The following HMBOX1 variants were observed in gnomAD, a reference collection of about 807,000 sequenced individuals.
HMBOX1 encodes homeobox containing 1, also known as homeobox-containing protein 1.
A neutral mutation model predicts 54.5 loss-of-function variants in HMBOX1; 14 were observed. The ratio of observed to expected loss-of-function variants is 0.26; its 90% confidence interval spans 0.17 to 0.40. The LOEUF is 0.40. HMBOX1 is among the 10% of genes least tolerant of loss of function. The pLI, the probability that HMBOX1 is intolerant of heterozygous loss-of-function variation, is 1.00. For synonymous variants in HMBOX1, 160 were observed against 181.0 expected (o/e 0.88, Z 0.93); for missense variants, 332 against 514.4 (o/e 0.65, Z 3.43).
At chr8:28,964,002 C>G (rs1826038750) in intron 2 of HMBOX1, 112 bp downstream of exon 2, 1 of 769,074 alleles carries the variant, frequency 1.3e-6, no homozygotes, top group East Asian at 2.7e-5. Flanking sequence ...AGTTGAAAAG[C>G]TTTTTTAGAA....
intron 6 of HMBOX1, among the ~76,000 whole-genome samples, chr8:29,032,490 TTG>T (rs1431591901): frequency 6.6e-6 from 1 of 152,212 alleles, no homozygotes; most frequent in Non-Finnish European, 1.5e-5. Context: ...TCCTGCTGAT[TTG>T]TGTTACACAG....
At chr8:29,007,613 T>A (rs1167388491) in intron 4 of HMBOX1, among the ~76,000 whole-genome samples, 3 of 151,666 alleles carry the variant, frequency 2.0e-5, no homozygotes, top group African/African-American at 7.3e-5. Context: ...AGCCCAGGAG[T>A]TCGAGAGCAG....
chr8:28,930,463 A>T (rs564060243), intron 1 of HMBOX1, among the ~76,000 whole-genome samples: 7 of 151,904 alleles, frequency 4.6e-5, no homozygotes, highest in Non-Finnish European at 1.0e-4. Flanking sequence ...AGATATTTAT[A>T]ACCTGGTATT....
chr8:29,040,020 A>G (rs189605665), intron 6 of HMBOX1, among the ~76,000 whole-genome samples: 6 of 152,158 alleles, frequency 3.9e-5, no homozygotes, highest in Admixed American at 1.3e-4. Flanking sequence ...TTTCGTCTTT[A>G]CTGTTAATGT....
At chr8:28,925,107 A>C (rs1258211006) in intron 1 of HMBOX1, among the ~76,000 whole-genome samples, 1 of 152,108 alleles carries the variant, frequency 6.6e-6, no homozygotes, top group Non-Finnish European at 1.5e-5. Flanking sequence ...GAATGATGTT[A>C]AATTTTTAAT....
At chr8:28,900,400 G>T (rs970219677) in intron 1 of HMBOX1, among the ~76,000 whole-genome samples, 35 of 151,128 alleles carry the variant, frequency 2.3e-4, no homozygotes, top group Admixed American at 1.8e-3. Flanking sequence ...TCCTCAGAAT[G>T]CTTGGAAAAT....
At chr8:28,978,126 GAGCT>G (rs1828740941) in intron 3 of HMBOX1, among the ~76,000 whole-genome samples, 1 of 152,070 alleles carries the variant, frequency 6.6e-6, no homozygotes, top group Non-Finnish European at 1.5e-5. Context: ...GTATACTGTA[GAGCT>G]ACAGATTGGA....
At chr8:28,920,053 A>G (rs1194084450) in intron 1 of HMBOX1, among the ~76,000 whole-genome samples, 1 of 152,178 alleles carries the variant, frequency 6.6e-6, no homozygotes, top group East Asian at 1.9e-4. Flanking sequence ...TGGCTTATGA[A>G]TAAACAAGAA....
chr8:29,008,804 A>G (rs778953020), intron 4 of HMBOX1, among the ~76,000 whole-genome samples: 3 of 152,228 alleles, frequency 2.0e-5, no homozygotes, highest in Non-Finnish European at 2.9e-5. Flanking sequence ...TCTCAGATTC[A>G]TGGACCTTTT....
At chr8:29,005,903 G>A (rs1222339470) in intron 4 of HMBOX1, among the ~76,000 whole-genome samples, 1 of 151,564 alleles carries the variant, frequency 6.6e-6, no homozygotes, top group African/African-American at 2.4e-5. Context: ...GTTTATCCAT[G>A]TGGTTTCATA....
intron 1 of HMBOX1, among the ~76,000 whole-genome samples, chr8:28,958,428 A>G (rs1439790738): frequency 3.9e-5 from 6 of 152,202 alleles, no homozygotes; most frequent in Admixed American, 3.9e-4. Context: ...GTGTTTACTT[A>G]TAAAGGATTT....
chr8:28,973,830 T>TTTTTTTTTTTTTTTTTTTG (rs1827925798), intron 3 of HMBOX1, among the ~76,000 whole-genome samples: 1 of 66,236 alleles, frequency 1.5e-5, no homozygotes, highest in Non-Finnish European at 3.0e-5. Flanking sequence ...TTTTTTTTTT[T>TTTTTTTTTTTTTTTTTTTG]TTTTGAGACA....
intron 1 of HMBOX1, among the ~76,000 whole-genome samples, chr8:28,932,989 T>C (rs555635829): frequency 2.6e-5 from 4 of 152,300 alleles, no homozygotes; most frequent in Non-Finnish European, 5.9e-5. Flanking sequence ...TAGCAGAGGC[T>C]CAAGATTTAT....
chr8:28,990,090 T>A (rs1283579412), intron 4 of HMBOX1, among the ~76,000 whole-genome samples: 1 of 152,182 alleles, frequency 6.6e-6, no homozygotes, highest in Non-Finnish European at 1.5e-5. Flanking sequence ...TAAAACATTT[T>A]TTTTGTTTAG....
chr8:28,941,777 CTTT>C (rs1157654057), intron 1 of HMBOX1, among the ~76,000 whole-genome samples: 1 of 152,092 alleles, frequency 6.6e-6, no homozygotes, highest in African/African-American at 2.4e-5. Context: ...GTTTTCTGTT[CTTT>C]TACTTCTCTA....
intron 1 of HMBOX1, among the ~76,000 whole-genome samples, chr8:28,907,481 A>T (rs1563363277): frequency 6.6e-6 from 1 of 152,192 alleles, no homozygotes; most frequent in Admixed American, 6.5e-5. Context: ...ATAGATATGT[A>T]TTGATTTTTG....
At chr8:29,009,906 T>C (rs1197283228) in intron 5 of HMBOX1, 3 of 1,108,846 alleles carry the variant, frequency 2.7e-6, no homozygotes, top group Non-Finnish European at 3.3e-6. Flanking sequence ...CCTGCCCTCA[T>C]GTGTAAATTT....
chr8:28,905,742 CTAACT>C (rs1410692044), intron 1 of HMBOX1, among the ~76,000 whole-genome samples: 2 of 152,202 alleles, frequency 1.3e-5, no homozygotes, highest in African/African-American at 4.8e-5. Context: ...TTTAAGCAGA[CTAACT>C]TAACTTCCAT....
intron 4 of HMBOX1, among the ~76,000 whole-genome samples, chr8:29,005,232 C>A (rs1460457049): frequency 6.6e-6 from 1 of 152,090 alleles, no homozygotes; most frequent in African/African-American, 2.4e-5. Flanking sequence ...AGGGGGAAGA[C>A]AGAAATTCTT....
Sources: gnomAD v4.1 joint callset for allele counts (sites outside exome capture counted in the v4.1 genomes callset) on GRCh38, gnomAD v4.1.1 for gene constraint, MANE v1.5 for transcripts, NCBI Gene and HGNC (gene_info 2026-07-23, HGNC 2026-07-21) for gene names.